Variants in LY6S observed in about 807,000 individuals in gnomAD.
LY6S encodes the protein lymphocyte antigen 6S.
chr8:143,052,975 G>A, the LY6S span, among the ~76,000 whole-genome samples: 8 of 152,186 alleles, frequency 5.3e-5, no homozygotes, highest in African/African-American at 1.9e-4. Flanking sequence ...GGCCAGGTAC[G>A]GCTGGCTGTC....
At chr8:143,075,048 G>A in the LY6S span, among the ~76,000 whole-genome samples, 2 of 152,196 alleles carry the variant, frequency 1.3e-5, no homozygotes, top group African/African-American at 4.8e-5. This position sits in a 1 kb window ranked among gnomAD's most constrained non-coding sequence, Gnocchi z 4.1. Flanking sequence ...AACTGGACGT[G>A]AAAATCTTGT....
At chr8:143,071,347 G>T in the LY6S span, among the ~76,000 whole-genome samples, 1 of 152,200 alleles carries the variant, frequency 6.6e-6, no homozygotes, top group East Asian at 1.9e-4. Flanking sequence ...GGTGGAGCAA[G>T]GGGATTTTTA....
chr8:143,047,607 C>G, the LY6S span: 2 of 152,300 alleles, frequency 1.3e-5, no homozygotes, highest in Non-Finnish European at 2.9e-5. Flanking sequence ...AGAGAAATCC[C>G]CCCTCCCAAC....
chr8:143,060,771 G>A, the LY6S span, among the ~76,000 whole-genome samples: 4 of 152,156 alleles, frequency 2.6e-5, no homozygotes, highest in South Asian at 4.2e-4. Flanking sequence ...CTCCACACAC[G>A]AGGAGAAAAA....
the LY6S span, among the ~76,000 whole-genome samples, chr8:143,076,262 C>T: frequency 6.6e-6 from 1 of 152,232 alleles, no homozygotes; most frequent in Non-Finnish European, 1.5e-5. Flanking sequence ...TGCTCAGGCA[C>T]AGGGAGTGAG....
the LY6S span, chr8:143,043,076 C>G: frequency 1.5e-6 from 2 of 1,367,554 alleles, no homozygotes; most frequent in African/African-American, 3.0e-5. Flanking sequence ...TGGTGACGCA[C>G]AGGGACAGAG....
At chr8:143,057,413 C>A in the LY6S span, 1 of 462,176 alleles carries the variant, frequency 2.2e-6, no homozygotes, top group Admixed American at 3.0e-5. Flanking sequence ...CCATGCCCGG[C>A]TACATTTTGT....
chr8:143,043,145 T>G, the LY6S span: 12 of 1,367,762 alleles, frequency 8.8e-6, no homozygotes, highest in Non-Finnish European at 1.2e-5. Context: ...AGAGGAAGAC[T>G]GACCCCAGGC....
At chr8:143,074,573 C>A in the LY6S span, among the ~76,000 whole-genome samples, 1 of 152,056 alleles carries the variant, frequency 6.6e-6, no homozygotes, top group Admixed American at 6.5e-5. Flanking sequence ...CACCTACTTT[C>A]ATAGCTTTCA....
the LY6S span, chr8:143,053,185 C>G: frequency 4.6e-5 from 7 of 152,312 alleles, no homozygotes; most frequent in Non-Finnish European, 1.0e-4. Context: ...ACCAGCTGGG[C>G]CCACATGACC....
the LY6S span, among the ~76,000 whole-genome samples, chr8:143,072,419 C>T: frequency 3.0e-4 from 30 of 99,928 alleles, no homozygotes; most frequent in African/African-American, 6.4e-4. Context: ...TCCTCGTGGT[C>T]CCTGTTTGAG....
the LY6S span, chr8:143,065,979 C>T: frequency 1.5e-5 from 5 of 334,838 alleles, no homozygotes; most frequent in East Asian, 1.7e-4. Flanking sequence ...CGGGGGTGTT[C>T]GGTCCTTGTG....
chr8:143,071,780 G>C, the LY6S span, among the ~76,000 whole-genome samples: 1 of 152,096 alleles, frequency 6.6e-6, no homozygotes, highest in African/African-American at 2.4e-5. Context: ...GCACGTGCCC[G>C]GCTTCAGCGA....
the LY6S span, among the ~76,000 whole-genome samples, chr8:143,071,885 T>C: frequency 1.3e-5 from 2 of 152,092 alleles, no homozygotes; most frequent in South Asian, 4.1e-4. Context: ...GGGAGTCTGG[T>C]GGTTCTTCAG....
the LY6S span, among the ~76,000 whole-genome samples, chr8:143,068,708 T>C: frequency 6.6e-6 from 1 of 152,184 alleles, no homozygotes; most frequent in African/African-American, 2.4e-5. Context: ...TTATAGTGGT[T>C]GTTATGGTGA....
chr8:143,076,133 C>T, the LY6S span, among the ~76,000 whole-genome samples: 9 of 152,194 alleles, frequency 5.9e-5, no homozygotes, highest in African/African-American at 1.9e-4. Flanking sequence ...ATTTTGTGAA[C>T]CAGAAGGATT....
At chr8:143,043,241 C>T in the LY6S span, 1 of 1,366,192 alleles carries the variant, frequency 7.3e-7, no homozygotes, top group Non-Finnish European at 9.8e-7. Context: ...AGCAAGAGAT[C>T]TGGGAGTCCA....
At chr8:143,060,279 C>T in the LY6S span, among the ~76,000 whole-genome samples, 2 of 152,230 alleles carry the variant, frequency 1.3e-5, no homozygotes, top group African/African-American at 2.4e-5. Context: ...TCCAGCACCT[C>T]TTGTGGAGGG....
chr8:143,045,904 A>G, the LY6S span, among the ~76,000 whole-genome samples: 1 of 151,610 alleles, frequency 6.6e-6, no homozygotes, highest in Non-Finnish European at 1.5e-5. This position sits in a 1 kb window ranked among gnomAD's most constrained non-coding sequence, Gnocchi z 5.3. Context: ...CCCAAGCTGG[A>G]GTACAGTGGC....
Sources: gnomAD v4.1 joint callset for allele counts (sites outside exome capture counted in the v4.1 genomes callset) on GRCh38, gnomAD v4.1.1 for gene constraint, Gnocchi (gnomAD v3.1) non-coding constraint, MANE v1.5 for transcripts, NCBI Gene and HGNC (gene_info 2026-07-23, HGNC 2026-07-21) for gene names.